The following PAM variants were observed in gnomAD, a reference collection of about 807,000 sequenced individuals.
The protein encoded by PAM is peptidylglycine alpha-amidating monooxygenase.
In PAM, 72 loss-of-function variants were observed where a neutral mutation model predicts 122.1. The observed-to-expected ratio is 0.59, with a 90% confidence interval of 0.49 to 0.72. PAM has a LOEUF of 0.72. Ranked by LOEUF, PAM falls within the 30% of genes least tolerant of loss-of-function variation. The pLI, the probability that PAM is intolerant of heterozygous loss-of-function variation, is 0.00. For missense variants in PAM, 1,106 were observed against 1,183.7 expected, an observed-to-expected ratio of 0.93 and a Z score of 0.96; for synonymous variants, 389 against 404.4, an observed-to-expected ratio of 0.96 and a Z score of 0.46.
At chr5:103,014,669 A>T (rs1781506738) in intron 21 of PAM, among the ~76,000 whole-genome samples, 1 of 152,208 alleles carries the variant, frequency 6.6e-6, no homozygotes, top group Admixed American at 6.5e-5. Flanking sequence ...CTCCTCTTAC[A>T]TTTCAGTTCT....
intron 12 of PAM, among the ~76,000 whole-genome samples, chr5:102,953,468 T>C (rs1279371461): frequency 6.6e-6 from 1 of 152,084 alleles, no homozygotes; most frequent in Non-Finnish European, 1.5e-5. Flanking sequence ...GATATATTAA[T>C]ACAAATACCA....
intron 4 of PAM, among the ~76,000 whole-genome samples, chr5:102,904,689 T>C (rs1799003659): frequency 6.6e-6 from 1 of 151,572 alleles, no homozygotes; most frequent in Non-Finnish European, 1.5e-5. Flanking sequence ...TGTTAAAACA[T>C]ATAAAAAGGA....
chr5:102,832,982 TA>T (rs1775892711), intron 1 of PAM, among the ~76,000 whole-genome samples: 1 of 152,220 alleles, frequency 6.6e-6, no homozygotes, highest in Non-Finnish European at 1.5e-5. Flanking sequence ...AAGATGGAGA[TA>T]ATACTGTTTC....
At chr5:102,823,349 T>A in intron 1 of PAM, among the ~76,000 whole-genome samples, 1 of 152,138 alleles carries the variant, frequency 6.6e-6, no homozygotes, top group East Asian at 1.9e-4. Flanking sequence ...CTTGCTAAAT[T>A]TCAGGGAAGA....
intron 1 of PAM, among the ~76,000 whole-genome samples, chr5:102,836,347 A>G (rs1777026080): frequency 6.6e-6 from 1 of 152,178 alleles, no homozygotes; most frequent in Non-Finnish European, 1.5e-5. Context: ...AACTCTTGCA[A>G]TATGTAGAAT....
chr5:103,002,733 A>AC (rs1261240861), intron 16 of PAM, among the ~76,000 whole-genome samples: 5 of 152,090 alleles, frequency 3.3e-5, no homozygotes, highest in Admixed American at 1.3e-4. Flanking sequence ...TGTTTCTCAA[A>AC]CCCCAGTGAG....
At chr5:103,002,830 C>T (rs1405184883) in intron 16 of PAM, among the ~76,000 whole-genome samples, 2 of 152,120 alleles carry the variant, frequency 1.3e-5, no homozygotes, top group Admixed American at 6.6e-5. Flanking sequence ...CCAATGCTTC[C>T]GTTCCACTGA....
At chr5:102,855,579 C>T (rs944211033) in intron 1 of PAM, among the ~76,000 whole-genome samples, 3 of 152,114 alleles carry the variant, frequency 2.0e-5, no homozygotes, top group Non-Finnish European at 4.4e-5. Context: ...TATTTTGTAA[C>T]TGCATGGTCT....
At chr5:102,785,657 GAGTT>G (rs138003511) in intron 1 of PAM, among the ~76,000 whole-genome samples, 4,223 of 152,210 alleles carry the variant, frequency 0.028, 116 homozygotes, top group East Asian at 0.14. Context: ...ATTTCTTTCT[GAGTT>G]AGTTAAGTGA....
intron 1 of PAM, among the ~76,000 whole-genome samples, chr5:102,782,303 C>T (rs2431530): frequency 0.37 from 56,868 of 151,998 alleles, 11,073 homozygotes; most frequent in African/African-American, 0.46. Flanking sequence ...AGTTCATAGC[C>T]GGAACGAATC....
At chr5:102,839,915 C>A (rs183495760) in intron 1 of PAM, among the ~76,000 whole-genome samples, 158 of 152,266 alleles carry the variant, frequency 1.0e-3, no homozygotes, top group African/African-American at 3.6e-3. Context: ...AGACCCACAA[C>A]AAACATCATA....
chr5:103,010,070 C>A (rs1780176279), intron 21 of PAM, among the ~76,000 whole-genome samples: 1 of 151,894 alleles, frequency 6.6e-6, no homozygotes, highest in African/African-American at 2.4e-5. Flanking sequence ...ATTCCTAGAT[C>A]AATTTCTTCA....
chr5:102,905,547 T>A (rs1479994181), intron 4 of PAM, among the ~76,000 whole-genome samples: 1 of 151,710 alleles, frequency 6.6e-6, no homozygotes, highest in East Asian at 1.9e-4. Flanking sequence ...GTCCAGATAC[T>A]TTGAGAACTG....
chr5:102,914,000 CT>C lies in PAM; in HGVS notation c.337del (p.Ser113HisfsTer83). The C allele has an allele frequency of 6.3e-7, 1 of 1,587,506 alleles. No homozygotes were observed. Among genetic ancestry groups the C allele is most frequent in the Non-Finnish European group, 8.7e-7 (1 of 1,156,020 alleles). On this transcript the variant is annotated frameshift_variant, in exon 5 of 26. Coordinates refer to ENST00000438793, the MANE Select transcript of PAM (RefSeq NM_001177306.2). LOFTEE classifies it high-confidence loss of function. ...ATGTTACTTTTTGGATGCAATATGC[CT>C]TCATCCACTGGAAGTTACTGGTAAG... ...HHMLLFGCNM[P>X]SSTGSYWFCD...
intron 5 of PAM, among the ~76,000 whole-genome samples, chr5:102,924,003 T>C (rs1748399269): frequency 6.6e-6 from 1 of 152,208 alleles, no homozygotes; most frequent in Admixed American, 6.5e-5. Context: ...ATCCCTGTTT[T>C]CCGTGAGAGA....
In PAM at chr5:102,876,564, AG is replaced by A. The variant is rs1789279172; in HGVS notation, c.210+9172del. ...TATAAATAGTGTCATAGATAAACAA[AG>A]CTGGACACTCCTAAAGTGGTAGGGA... On this transcript the variant is annotated intron_variant, in intron 3 of 25. Transcript: ENST00000438793. Among the ~76,000 whole-genome samples, 6 of 152,322 alleles carry A rather than the reference AG, an allele frequency of 3.9e-5. No individual in the cohort carries two copies. In the South Asian group the frequency reaches 1.2e-3, roughly 32 times the overall value.
chr5:102,845,735 C>CT (rs1430121463), intron 1 of PAM, among the ~76,000 whole-genome samples: 1 of 152,116 alleles, frequency 6.6e-6, no homozygotes, highest in Non-Finnish European at 1.5e-5. Flanking sequence ...CGTTCAAAGT[C>CT]TTTATTTAAT....
At position 102,914,028 on chromosome 5, in the gene PAM, A is replaced by G; in HGVS notation, c.356+7A>G. 6.8e-7 allele frequency: 1 copy of G among 1,469,370 alleles called. No individual in the cohort carries two copies. The highest frequency in any genetic ancestry group is 1.7e-5 in the Admixed American group (1 of 59,742). 91.0% of individuals were successfully genotyped at this position (1,469,370 alleles called of 1,614,324 possible). A position where few individuals can be genotyped will look rare whatever the true frequency, so the allele number is the denominator to read the frequency against. ...CATCCACTGGAAGTTACTGGTAAGG[A>G]TAATGGGTTTACAGTATAGAAGGGT... On this transcript the variant is annotated splice_region_variant and intron_variant, in intron 5 of 25. Coordinates refer to ENST00000438793, the MANE Select transcript of PAM (RefSeq NM_001177306.2).
At chr5:102,879,205 T>C (rs535917073) in intron 3 of PAM, among the ~76,000 whole-genome samples, 41 of 152,304 alleles carry the variant, frequency 2.7e-4, no homozygotes, top group African/African-American at 8.9e-4. Flanking sequence ...GCTGGGAGAT[T>C]ACAGGCGTGA....
Sources: allele counts gnomAD v4.1 joint callset (sites outside exome capture counted in the v4.1 genomes callset), GRCh38; gene constraint gnomAD v4.1.1; transcripts MANE v1.5; gene names NCBI Gene and HGNC (gene_info 2026-07-23, HGNC 2026-07-21).